The following CDON variants were observed in gnomAD, a reference collection of about 807,000 sequenced individuals.
CDON encodes the protein cell adhesion associated, oncogene regulated.
In CDON, 73 loss-of-function variants were observed where a neutral mutation model predicts 120.9. The ratio of observed to expected loss-of-function variants is 0.60; its 90% CI spans 0.50 to 0.73. The LOEUF (loss-of-function observed/expected upper bound fraction) is 0.73. CDON is among the 30% of genes least tolerant of loss of function. CDON has a pLI of 0.00. For synonymous variants in CDON, 566 were observed against 573.5 expected (o/e 0.99, Z 0.19); for missense variants, 1,470 against 1,587.3 (o/e 0.93, Z 1.26).
At chr11:126,012,199 A>G (rs531955634) in intron 7 of CDON, among the ~76,000 whole-genome samples, 13 of 152,306 alleles carry the variant, frequency 8.5e-5, no homozygotes, top group African/African-American at 3.1e-4. Context: ...GGTCCTTAAA[A>G]TATTATGATG....
chr11:126,020,498 G>A (rs966392829), intron 3 of CDON, among the ~76,000 whole-genome samples: 3 of 152,090 alleles, frequency 2.0e-5, no homozygotes, highest in Non-Finnish European at 4.4e-5. Flanking sequence ...GAGGAATTCA[G>A]CCCTCCAGTG....
intron 16 of CDON, among the ~76,000 whole-genome samples, chr11:125,981,976 T>TTTTTC (rs1284854350): frequency 7.4e-5 from 7 of 94,354 alleles, no homozygotes; most frequent in African/African-American, 4.2e-4. Context: ...TTTTCTTTTT[T>TTTTTC]TTTTTTTTTT....
At chr11:126,031,509 T>C (rs967791155) in intron 1 of CDON, among the ~76,000 whole-genome samples, 4 of 152,182 alleles carry the variant, frequency 2.6e-5, no homozygotes, top group African/African-American at 4.8e-5. Context: ...CCACGTCACG[T>C]AGAAAAAAGT....
chr11:126,013,111 A>G (rs141260654), intron 7 of CDON, among the ~76,000 whole-genome samples: 4 of 152,362 alleles, frequency 2.6e-5, no homozygotes, highest in Non-Finnish European at 5.9e-5. Context: ...CTAGTGAGAT[A>G]ATCATACTGT....
intron 18 of CDON, among the ~76,000 whole-genome samples, chr11:125,971,199 C>T (rs988594214): frequency 1.3e-5 from 2 of 152,022 alleles, no homozygotes; most frequent in African/African-American, 2.4e-5. Context: ...CTGGCTAACA[C>T]AGTGAAACCC....
chr11:125,960,739 G>A lies in CDON; in HGVS notation c.*203C>T, dbSNP rs1945619190. ...GTTGTTTCCTACCGAGGGGGAGGAA[G>A]GAATGGGGAAGAAAACATTTAAGGC... On this transcript the variant is annotated 3_prime_UTR_variant, in exon 20 of 20. Transcript: ENST00000531738. 1 of 597,750 alleles carries A rather than the reference G, an allele frequency of 1.7e-6. No homozygotes were observed. Among genetic ancestry groups the A allele is most frequent in the South Asian group, 2.0e-5 (1 of 50,610 alleles). 37.0% of individuals were successfully genotyped at this position (597,750 alleles called of 1,614,324 possible). A position where few individuals can be genotyped will look rare whatever the true frequency, so the allele number is the denominator to read the frequency against.
At chr11:125,994,484 G>C (rs887275919) in intron 13 of CDON, 95 bp from the exon 14 acceptor site, 13 of 758,282 alleles carry the variant, frequency 1.7e-5, no homozygotes, top group Non-Finnish European at 3.0e-5. Flanking sequence ...CATTTTTCTA[G>C]GTTCATTTTG....
At chr11:126,043,142 G>A (rs114945681) in intron 1 of CDON, among the ~76,000 whole-genome samples, 1,973 of 152,276 alleles carry the variant, frequency 0.013, 37 homozygotes, top group African/African-American at 0.044. Flanking sequence ...CTGAGTCTTC[G>A]TTTGCACAGA....
chr11:125,982,907 C>T (rs113200194), intron 16 of CDON, among the ~76,000 whole-genome samples: 14 of 152,214 alleles, frequency 9.2e-5, no homozygotes, highest in African/African-American at 3.1e-4. Context: ...CAATTAAAGG[C>T]GATGGCATTA....
chr11:126,048,398 C>T (rs564212353), intron 1 of CDON, among the ~76,000 whole-genome samples: 2 of 151,998 alleles, frequency 1.3e-5, no homozygotes, highest in Non-Finnish European at 2.9e-5. Context: ...TTGTATTAAT[C>T]TGTTGGTAAT....
At chr11:126,005,188 G>C (rs1947075414) in intron 9 of CDON, among the ~76,000 whole-genome samples, 2 of 152,116 alleles carry the variant, frequency 1.3e-5, no homozygotes, top group African/African-American at 4.8e-5. Context: ...TGCAATCCCA[G>C]CTACTTGGGA....
chr11:125,961,738 G>A lies in CDON; in HGVS notation c.3617C>T (p.Ala1206Val). The A allele has an allele frequency of 3.1e-6, 5 of 1,614,136 alleles. No homozygotes were observed. Among genetic ancestry groups the A allele is most frequent in the Non-Finnish European group, 4.2e-6 (5 of 1,179,988 alleles). Residue 1206 changes from alanine (A) to valine (V), a missense_variant, in exon 19 of 20, where the codon GCA (alanine) becomes GTA (valine). Physicochemically the swap from Ala to Val is moderately conservative, Grantham distance 64. Transcript: ENST00000531738. ...GCCTTCCTGACCTCTGCTGAACTCT[G>A]CTGGATCTTCTGAGCCATCAGAGCT... is the stretch of plus-strand genomic sequence containing the variant. ...DVSSDGSEDP[A>V]EFSRGDSCAH... is the part of the protein sequence containing the mutation.
In CDON at chr11:125,956,970, G is replaced by C. The variant is rs142923654; in HGVS notation, c.*3972C>G. On this transcript the variant is annotated 3_prime_UTR_variant, in exon 20 of 20. Transcript: ENST00000531738. ...ACACCCGATGCAAAAGACTTTGCTG[G>C]CTTTCTGGTCAGACAAGCCTAGAGA... 5,322 of 622,258 alleles carry C rather than the reference G, an allele frequency of 8.6e-3. 30 individuals are homozygous for C. Among genetic ancestry groups the C allele is most frequent in the Non-Finnish European group, 9.7e-3 (4,831 of 498,400 alleles). The allele number at this position is 622,258 out of a possible 1,614,324, so 38.5% of individuals were successfully genotyped here. A position where few individuals can be genotyped will look rare whatever the true frequency, so the allele number is the denominator to read the frequency against.
At chr11:125,981,378 GCACA>G in intron 16 of CDON, 49 bp from the exon 17 acceptor site, 1 of 1,544,868 alleles carries the variant, frequency 6.5e-7, no homozygotes, top group Admixed American at 1.7e-5. Flanking sequence ...ACACACGCAC[GCACA>G]CATGCACATA....
chr11:126,021,493 G>A lies in CDON; in HGVS notation c.104C>T (p.Pro35Leu), dbSNP rs768986679. 69 of 1,613,794 alleles carry A rather than the reference G, an allele frequency of 4.3e-5. No individual in the cohort carries two copies. Among genetic ancestry groups the A allele is most frequent in the Middle Eastern group, 1.6e-4 (1 of 6,080 alleles). Reference sequence around the variant, plus strand: ...ACCAAGTTTCTGGACAGCAGAGAGCGGCTCAGAAGTAAAATAAGGTGCCAA... The same window carrying A: ...ACCAAGTTTCTGGACAGCAGAGAGCAGCTCAGAAGTAAAATAAGGTGCCAA... ...SDLAPYFTSE[P>L]LSAVQKLGGP... is the part of the protein sequence containing the mutation. The change falls in exon 3 of 20, where the codon CCG (proline) becomes CTG (leucine). Residue 35 changes from proline to leucine, a missense_variant. Transcript: ENST00000531738.
intron 18 of CDON, among the ~76,000 whole-genome samples, chr11:125,975,726 C>T (rs1429453675): frequency 1.3e-5 from 2 of 152,120 alleles, no homozygotes; most frequent in East Asian, 3.9e-4. Flanking sequence ...TAGTAATGTG[C>T]GTTTTTATTA....
chr11:126,024,451 C>A (rs73021218), intron 1 of CDON, among the ~76,000 whole-genome samples: 9,452 of 152,256 alleles, frequency 0.062, 358 homozygotes, highest in Admixed American at 0.1. Context: ...GTCGACCCAA[C>A]AGGACATGTC....
intron 16 of CDON, among the ~76,000 whole-genome samples, chr11:125,983,016 A>G (rs561752107): frequency 1.1e-3 from 169 of 152,280 alleles, no homozygotes; most frequent in Non-Finnish European, 1.6e-3. Context: ...ATACAAACAG[A>G]GTACTTTCTT....
At chr11:125,969,404 A>C (rs78838842) in intron 18 of CDON, among the ~76,000 whole-genome samples, 3,561 of 152,366 alleles carry the variant, frequency 0.023, 156 homozygotes, top group African/African-American at 0.081. Flanking sequence ...AGACAAATCT[A>C]AGGTAGTAAA....
Sources: gnomAD v4.1 joint callset for allele counts (sites outside exome capture counted in the v4.1 genomes callset) on GRCh38, gnomAD v4.1.1 for gene constraint, MANE v1.5 for transcripts, NCBI Gene and HGNC (gene_info 2026-07-23, HGNC 2026-07-21) for gene names.